The following MTCL3 variants were observed in gnomAD, a reference collection of about 807,000 sequenced individuals.
MTCL3 encodes the protein microtubule cross-linking factor 3.
chr6:127,476,472 A>G, the MTCL3 span: 1 of 1,558,790 alleles, frequency 6.4e-7, no homozygotes. This position sits in a 1 kb window ranked among gnomAD's most constrained non-coding sequence, Gnocchi z 4.4. Context: ...TGTCCTCCTC[A>G]TTTGGGGGAA....
the MTCL3 span, among the ~76,000 whole-genome samples, chr6:127,509,255 G>A: frequency 6.6e-6 from 1 of 152,160 alleles, no homozygotes; most frequent in Non-Finnish European, 1.5e-5. Context: ...TGCAATAGAT[G>A]CAGCTAATTA....
At chr6:127,501,482 T>A in the MTCL3 span, among the ~76,000 whole-genome samples, 1 of 152,240 alleles carries the variant, frequency 6.6e-6, no homozygotes, top group East Asian at 1.9e-4. Flanking sequence ...ATTGGTCTAA[T>A]TATTTCTACT....
the MTCL3 span, among the ~76,000 whole-genome samples, chr6:127,480,741 G>T: frequency 6.6e-6 from 1 of 152,272 alleles, no homozygotes; most frequent in African/African-American, 2.4e-5. Context: ...CAATAGAATG[G>T]TATATTTTCA....
chr6:127,506,226 C>T, the MTCL3 span, among the ~76,000 whole-genome samples: 1 of 152,136 alleles, frequency 6.6e-6, no homozygotes, highest in Admixed American at 6.5e-5. Flanking sequence ...TTTGTAGATT[C>T]TATAGAAAAG....
chr6:127,479,749 A>G, the MTCL3 span, among the ~76,000 whole-genome samples: 1 of 152,064 alleles, frequency 6.6e-6, no homozygotes, highest in Non-Finnish European at 1.5e-5. Context: ...TAATTATTTT[A>G]TTTATTTAAA....
the MTCL3 span, among the ~76,000 whole-genome samples, chr6:127,491,635 C>A: frequency 5.3e-5 from 8 of 151,996 alleles, no homozygotes; most frequent in African/African-American, 1.9e-4. Context: ...CCTGCAATAT[C>A]TCTGAGGTAG....
chr6:127,503,992 T>G, the MTCL3 span, among the ~76,000 whole-genome samples: 23 of 152,360 alleles, frequency 1.5e-4, no homozygotes, highest in East Asian at 4.4e-3. Flanking sequence ...TGGACACAGT[T>G]AATAACATGG....
chr6:127,481,822 T>G, the MTCL3 span, among the ~76,000 whole-genome samples: 1 of 152,090 alleles, frequency 6.6e-6, no homozygotes, highest in Non-Finnish European at 1.5e-5. Context: ...TCCCAGATGG[T>G]TAAGGATTCT....
the MTCL3 span, among the ~76,000 whole-genome samples, chr6:127,501,124 A>G: frequency 6.2e-4 from 94 of 152,290 alleles, 3 homozygotes; most frequent in East Asian, 0.013. Context: ...GAATTTTTTA[A>G]GTTTCATTTT....
chr6:127,480,503 G>A, the MTCL3 span, among the ~76,000 whole-genome samples: 7 of 152,058 alleles, frequency 4.6e-5, no homozygotes, highest in Non-Finnish European at 8.8e-5. Context: ...ATAATAGAGA[G>A]TTGGACCATA....
chr6:127,498,792 T>C, the MTCL3 span, among the ~76,000 whole-genome samples: 2 of 152,134 alleles, frequency 1.3e-5, no homozygotes, highest in Admixed American at 1.3e-4. Context: ...TCAAAAACAC[T>C]GGTCTAGGTG....
At chr6:127,516,186 G>C in the MTCL3 span, 1,335 of 1,433,170 alleles carry the variant, frequency 9.3e-4, 18 homozygotes, top group African/African-American at 0.018. Context: ...GCGGCTCCTC[G>C]GGCGGTCCGG....
At chr6:127,510,072 T>G in the MTCL3 span, among the ~76,000 whole-genome samples, 2 of 149,830 alleles carry the variant, frequency 1.3e-5, no homozygotes, top group African/African-American at 2.5e-5. Context: ...CCCTTCCTGT[T>G]TTTTTTTATT....
At chr6:127,497,757 G>A in the MTCL3 span, among the ~76,000 whole-genome samples, 1 of 152,082 alleles carries the variant, frequency 6.6e-6, no homozygotes. Context: ...TATAAAGAAT[G>A]TTTGACATTC....
At chr6:127,491,952 G>T in the MTCL3 span, among the ~76,000 whole-genome samples, 5 of 150,626 alleles carry the variant, frequency 3.3e-5, no homozygotes, top group African/African-American at 7.4e-5. Flanking sequence ...CTTGTGACTT[G>T]CTTTGACCTG....
At chr6:127,518,191 C>G in the MTCL3 span, among the ~76,000 whole-genome samples, 1 of 152,232 alleles carries the variant, frequency 6.6e-6, no homozygotes, top group Non-Finnish European at 1.5e-5. Flanking sequence ...ACTAGAATGT[C>G]TGGCCTAGTT....
At chr6:127,502,370 T>C in the MTCL3 span, among the ~76,000 whole-genome samples, 1 of 152,198 alleles carries the variant, frequency 6.6e-6, no homozygotes, top group African/African-American at 2.4e-5. Context: ...GTTGCCCTGT[T>C]GATGAATGCA....
At chr6:127,514,499 G>T in the MTCL3 span, among the ~76,000 whole-genome samples, 1 of 152,228 alleles carries the variant, frequency 6.6e-6, no homozygotes, top group African/African-American at 2.4e-5. Context: ...GCAGATCAAA[G>T]GCTAGAGCCT....
chr6:127,476,166 G>A, the MTCL3 span: 1 of 1,614,136 alleles, frequency 6.2e-7, no homozygotes. The surrounding 1 kb of genome is among the most constrained non-coding windows in gnomAD (Gnocchi z 4.4). Flanking sequence ...CCCTAAGGTC[G>A]TCCAGTTCCG....
Sources: allele counts gnomAD v4.1 joint callset (sites outside exome capture counted in the v4.1 genomes callset), GRCh38; gene constraint gnomAD v4.1.1; non-coding constraint Gnocchi (gnomAD v3.1); transcripts MANE v1.5; gene names NCBI Gene and HGNC (gene_info 2026-07-23, HGNC 2026-07-21).